The following PCDHGA11 variants were observed in gnomAD, a reference collection of about 807,000 sequenced individuals.
PCDHGA11 encodes protocadherin gamma subfamily A, 11.
PCDHGA11 carries 39 observed loss-of-function variants against 60.4 expected under a neutral mutation model. The observed-to-expected ratio is 0.65, with a 90% confidence interval of 0.50 to 0.84. PCDHGA11 has a LOEUF of 0.84. PCDHGA11 is among the 40% of genes least tolerant of loss of function. The pLI, the probability that PCDHGA11 is intolerant of heterozygous loss-of-function variation, is 0.00. For missense variants in PCDHGA11, 1,165 were observed against 1,197.7 expected, an observed-to-expected ratio of 0.97 and a Z score of 0.40; for synonymous variants, 533 against 510.3, an observed-to-expected ratio of 1.04 and a Z score of -0.60.
intron 2 of PCDHGA11, among the ~76,000 whole-genome samples, chr5:141,495,758 C>T (rs2099763543): frequency 6.6e-6 from 1 of 152,122 alleles, no homozygotes; most frequent in Non-Finnish European, 1.5e-5. Flanking sequence ...ATCTCTGCCT[C>T]CCTGTCCTTG....
chr5:141,428,055 G>C (rs1232516220), intron 1 of PCDHGA11: 8 of 1,608,952 alleles, frequency 5.0e-6, no homozygotes, highest in African/African-American at 1.3e-5. Context: ...CAAGGTGGTG[G>C]CGGTGGACGC....
At chr5:141,507,003 G>A (rs569257489) in intron 3 of PCDHGA11, 3 of 152,342 alleles carry the variant, frequency 2.0e-5, no homozygotes, top group African/African-American at 7.2e-5. Context: ...CGACAGATGA[G>A]AGAACCGAGA....
Position 141,489,748 on chromosome 5 carries a change from T to G in PCDHGA11, c.2434-5059T>G. 6.2e-7 allele frequency: 1 copy of G among 1,614,156 alleles called. No homozygotes were observed. Among genetic ancestry groups the G allele is most frequent in the African/African-American group, 1.3e-5 (1 of 75,054 alleles). On this transcript the variant is annotated intron_variant, in intron 1 of 3. Transcript: ENST00000398587. This position sits in a 1 kb window ranked among gnomAD's most constrained non-coding sequence, Gnocchi z 4.5. ...TGTGGGCACCAATACTGTGAGCTTTTACACTCTAAGCCCCAACAGCCACTT... is the reference window on the plus strand; with the variant it reads ...TGTGGGCACCAATACTGTGAGCTTTGACACTCTAAGCCCCAACAGCCACTT...
In PCDHGA11 at chr5:141,490,462, ACCAG is replaced by A; in HGVS notation, c.2434-4338_2434-4335del. On this transcript the variant is annotated intron_variant, in intron 1 of 3. Coordinates refer to ENST00000398587, the MANE Select transcript of PCDHGA11 (RefSeq NM_018914.3). The surrounding 1 kb of genome is among the most constrained non-coding windows in gnomAD (Gnocchi z 5.4). ...TTCTGAGAACCACTACTCGCTGCTA[ACCAG>A]CCAGCCTTTGGACCGGGAGGCCACA... 1 of 1,614,198 alleles carries A rather than the reference ACCAG, an allele frequency of 6.2e-7. No homozygotes were observed.
Position 141,432,292 on chromosome 5 carries a change from T to C in PCDHGA11, c.2433+8632T>C, listed in dbSNP as rs1339412798. 2 of 1,614,078 alleles carry C rather than the reference T, an allele frequency of 1.2e-6. No individual in the cohort carries two copies. The highest frequency in any genetic ancestry group is 2.2e-5 in the East Asian group (1 of 44,888). On this transcript the variant is annotated intron_variant, in intron 1 of 3. Coordinates refer to ENST00000398587, the MANE Select transcript of PCDHGA11 (RefSeq NM_018914.3). The surrounding 1 kb of genome is among the most constrained non-coding windows in gnomAD (Gnocchi z 6.0). ...CCTACGTGTCCATCAACTCCGACAC[T>C]GGGGTACTGTATGCGCTGAGCTCCT...
intron 1 of PCDHGA11, among the ~76,000 whole-genome samples, chr5:141,425,696 A>G (rs1033976807): frequency 1.3e-4 from 20 of 152,242 alleles, no homozygotes; most frequent in African/African-American, 4.3e-4. Context: ...ATCATTTCAT[A>G]GTGGTCAAAA....
chr5:141,460,686 C>A (rs2098995566), intron 1 of PCDHGA11, among the ~76,000 whole-genome samples: 1 of 151,698 alleles, frequency 6.6e-6, no homozygotes, highest in Admixed American at 6.6e-5. Context: ...TCTATATATC[C>A]ACCAACAGTT....
Position 141,431,939 on chromosome 5 carries a change from T to A in PCDHGA11, c.2433+8279T>A, listed in dbSNP as rs1377573207. The A allele has an allele frequency of 2.2e-5, 35 of 1,613,996 alleles. No individual in the cohort carries two copies. The highest frequency in any genetic ancestry group is 2.9e-5 in the Non-Finnish European group (34 of 1,180,000). On this transcript the variant is annotated intron_variant, in intron 1 of 3. Coordinates refer to ENST00000398587, the MANE Select transcript of PCDHGA11 (RefSeq NM_018914.3). This position sits in a 1 kb window ranked among gnomAD's most constrained non-coding sequence, Gnocchi z 4.8. ...CATCCAAGGAAATCTGCCCTTTAAA[T>A]TAGAAAAATCTTACGGAAATTACTA...
chr5:141,476,754 T>G lies in PCDHGA11; in HGVS notation c.2434-18053T>G. 1 of 1,613,926 alleles carries G rather than the reference T, an allele frequency of 6.2e-7. No individual in the cohort carries two copies. The highest frequency in any genetic ancestry group is 1.1e-5 in the South Asian group (1 of 91,084). On this transcript the variant is annotated intron_variant, in intron 1 of 3. Coordinates refer to ENST00000398587, the MANE Select transcript of PCDHGA11 (RefSeq NM_018914.3). The surrounding 1 kb of genome is among the most constrained non-coding windows in gnomAD (Gnocchi z 7.6). Reference sequence around the variant, plus strand: ...GAACGGGAGCCTAGTCTCCAGTTAGTGCTGACGGCGTTGGACGGAGGGACC... The same window carrying G: ...GAACGGGAGCCTAGTCTCCAGTTAGGGCTGACGGCGTTGGACGGAGGGACC...
intron 1 of PCDHGA11, among the ~76,000 whole-genome samples, chr5:141,451,611 G>C (rs1004906441): frequency 6.6e-6 from 1 of 152,166 alleles, no homozygotes; most frequent in Admixed American, 6.5e-5. Context: ...GCTAGGCATG[G>C]TGGCTCAAAC....
intron 1 of PCDHGA11, 106 bp from the exon 2 acceptor site, chr5:141,494,701 C>T: frequency 6.3e-7 from 1 of 1,594,596 alleles, no homozygotes; most frequent in Admixed American, 1.7e-5. Flanking sequence ...CCGTTTTCTT[C>T]TCTGTGCCCA....
chr5:141,451,532 G>T (rs1168984212), intron 1 of PCDHGA11, among the ~76,000 whole-genome samples: 1 of 152,180 alleles, frequency 6.6e-6, no homozygotes, highest in African/African-American at 2.4e-5. Flanking sequence ...AAAGGAGAGT[G>T]CCAGAGAGGG....
Position 141,432,058 on chromosome 5 carries a change from C to T in PCDHGA11, c.2433+8398C>T, listed in dbSNP as rs2097444209. On this transcript the variant is annotated intron_variant, in intron 1 of 3. Coordinates refer to ENST00000398587, the MANE Select transcript of PCDHGA11 (RefSeq NM_018914.3). The surrounding 1 kb of genome is among the most constrained non-coding windows in gnomAD (Gnocchi z 6.0). ...CTGACCGGGGAACCCCGCCCCTATC[C>T]ACGGAAACTCATATCTCGCTGAACG... 1 of 1,614,210 alleles carries T rather than the reference C, an allele frequency of 6.2e-7. No individual in the cohort carries two copies.
intron 3 of PCDHGA11, among the ~76,000 whole-genome samples, chr5:141,509,265 C>G (rs1296179995): frequency 1.3e-5 from 2 of 152,138 alleles, no homozygotes; most frequent in African/African-American, 4.8e-5. Flanking sequence ...TTTAGTCACT[C>G]TCGCTACCCG....
Position 141,477,337 on chromosome 5 carries a change from C to T in PCDHGA11, c.2434-17470C>T. ...TTACTTCTTCCCTCAAGAATTACTT[C>T]ACTTTGAAAACCAGTGCAGACCTGG... On this transcript the variant is annotated intron_variant, in intron 1 of 3. Transcript: ENST00000398587. The surrounding 1 kb of genome is among the most constrained non-coding windows in gnomAD (Gnocchi z 4.9). The T allele has an allele frequency of 1.2e-6, 2 of 1,614,166 alleles. No individual in the cohort carries two copies. Among genetic ancestry groups the T allele is most frequent in the Non-Finnish European group, 1.7e-6 (2 of 1,180,028 alleles).
At chr5:141,425,447 A>G (rs549575207) in intron 1 of PCDHGA11, among the ~76,000 whole-genome samples, 5 of 152,318 alleles carry the variant, frequency 3.3e-5, no homozygotes, top group African/African-American at 1.2e-4. Flanking sequence ...AAAATAAAAC[A>G]CCATCACATT....
At position 141,510,993 on chromosome 5, in the gene PCDHGA11, G is replaced by A. The variant is rs1457918073; in HGVS notation, c.2628G>A (p.Met876Ile). The A allele has an allele frequency of 4.3e-6, 7 of 1,614,046 alleles. No homozygotes were observed. Among genetic ancestry groups the A allele is most frequent in the African/African-American group, 1.3e-5 (1 of 74,906 alleles). ...CCCTGGGAGGGGGTGCCGGCACCAT[G>A]GGATTGAGCGCCCGCTACGGACCCC... ...SSTLGGGAGT[M>I]GLSARYGPQF... The change falls in exon 4 of 4, where the codon ATG (methionine) becomes ATA (isoleucine). Residue 876 changes from methionine to isoleucine, a missense_variant. Transcript: ENST00000398587.
At chr5:141,488,069 C>T (rs1197698273) in intron 1 of PCDHGA11, among the ~76,000 whole-genome samples, 1 of 152,072 alleles carries the variant, frequency 6.6e-6, no homozygotes, top group Non-Finnish European at 1.5e-5. Context: ...ATCTTTGTCT[C>T]CCAGTATCTA....
chr5:141,450,650 C>G (rs1220350105), intron 1 of PCDHGA11, among the ~76,000 whole-genome samples: 1 of 151,618 alleles, frequency 6.6e-6, no homozygotes, highest in Non-Finnish European at 1.5e-5. Context: ...CCATGCCTGG[C>G]TAATTTTTGT....
Sources: allele counts gnomAD v4.1 joint callset (sites outside exome capture counted in the v4.1 genomes callset), GRCh38; gene constraint gnomAD v4.1.1; non-coding constraint Gnocchi (gnomAD v3.1); transcripts MANE v1.5; gene names NCBI Gene and HGNC (gene_info 2026-07-23, HGNC 2026-07-21).